EVA1C: variants seen among roughly 807,000 people sequenced by gnomAD.
The protein encoded by EVA1C is protein eva-1 homolog C.
A neutral mutation model predicts 45.4 loss-of-function variants in EVA1C; 25 were observed. That is an observed-to-expected ratio of 0.55 (90% CI 0.40 to 0.77). EVA1C has a LOEUF of 0.77. Among genes scored for constraint, EVA1C ranks in the 30% least tolerant of loss-of-function variants. EVA1C has a pLI of 0.00. For synonymous variants in EVA1C, 190 were observed against 221.2 expected, an observed-to-expected ratio of 0.86 and a Z score of 1.25; for missense variants, 479 against 554.8, an observed-to-expected ratio of 0.86 and a Z score of 1.37.
chr21:32,486,649 G>A (rs1039238341), intron 4 of EVA1C, among the ~76,000 whole-genome samples: 1 of 152,084 alleles, frequency 6.6e-6, no homozygotes. Flanking sequence ...TGGAAAAAAG[G>A]CCTTAATAGT....
intron 4 of EVA1C, among the ~76,000 whole-genome samples, chr21:32,483,800 T>A (rs570696285): frequency 6.6e-6 from 1 of 152,206 alleles, no homozygotes; most frequent in Non-Finnish European, 1.5e-5. Context: ...GCCCAGCACC[T>A]GATTCTTTTT....
At chr21:32,484,253 T>C (rs1325717359) in intron 4 of EVA1C, among the ~76,000 whole-genome samples, 1 of 152,098 alleles carries the variant, frequency 6.6e-6, no homozygotes, top group East Asian at 1.9e-4. Flanking sequence ...TTAATATTTC[T>C]TGGGGTGGAC....
rs185191878 is a variant in EVA1C at position 32,454,991 on chromosome 21, C to A, written c.357+1483C>A. Among the ~76,000 whole-genome samples, 102 of 152,290 alleles carry A rather than the reference C, an allele frequency of 6.7e-4. 1 individual carries two copies. The highest frequency in any genetic ancestry group is 1.1e-3 in the Non-Finnish European group (73 of 68,028). Reference sequence around the variant, plus strand: ...AGAGACAACATGTTTCTTCAGGAGACAAGAAGTTGCTTTCCCTGTGTGCTC... The same window carrying A: ...AGAGACAACATGTTTCTTCAGGAGAAAAGAAGTTGCTTTCCCTGTGTGCTC... On this transcript the variant is annotated intron_variant, in intron 2 of 7. Coordinates refer to ENST00000300255, the MANE Select transcript of EVA1C (RefSeq NM_058187.5).
At chr21:32,466,014 C>T (rs879544841) in intron 3 of EVA1C, among the ~76,000 whole-genome samples, 1 of 152,218 alleles carries the variant, frequency 6.6e-6, no homozygotes, top group Non-Finnish European at 1.5e-5. Context: ...CTCAGGCACC[C>T]ACTCATCTAC....
At chr21:32,430,865 C>T (rs79098240) in intron 1 of EVA1C, among the ~76,000 whole-genome samples, 24,033 of 135,670 alleles carry the variant, frequency 0.18, 2,211 homozygotes, top group Admixed American at 0.26. Context: ...CCCAGATTCT[C>T]GGGAGGCTGA....
At chr21:32,426,476 G>C (rs957790987) in intron 1 of EVA1C, among the ~76,000 whole-genome samples, 5 of 151,320 alleles carry the variant, frequency 3.3e-5, no homozygotes, top group African/African-American at 9.7e-5. Flanking sequence ...CTCCTTCCCT[G>C]TGTTCCTGCT....
chr21:32,507,510 G>C (rs1219242679), intron 7 of EVA1C, among the ~76,000 whole-genome samples: 4 of 151,458 alleles, frequency 2.6e-5, no homozygotes, highest in African/African-American at 9.8e-5. Context: ...GTCTGTATCT[G>C]TGTGCATGTG....
intron 1 of EVA1C, among the ~76,000 whole-genome samples, chr21:32,420,529 T>G (rs1299101552): frequency 6.6e-6 from 1 of 151,524 alleles, no homozygotes; most frequent in African/African-American, 2.4e-5. Flanking sequence ...GGGACTATAG[T>G]CACATGCCAG....
chr21:32,462,705 G>A (rs186441360), intron 3 of EVA1C, among the ~76,000 whole-genome samples: 130 of 152,376 alleles, frequency 8.5e-4, no homozygotes, highest in African/African-American at 3.1e-3. Context: ...CCCACCCAGA[G>A]TGGAAAACCA....
At chr21:32,486,837 G>A (rs992049635) in intron 4 of EVA1C, among the ~76,000 whole-genome samples, 1 of 152,106 alleles carries the variant, frequency 6.6e-6, no homozygotes, top group African/African-American at 2.4e-5. Context: ...GTCCCTTTCA[G>A]TGGTAAATGC....
intron 2 of EVA1C, among the ~76,000 whole-genome samples, chr21:32,454,624 G>A (rs1317775980): frequency 1.3e-5 from 2 of 151,568 alleles, no homozygotes; most frequent in East Asian, 2.0e-4. Flanking sequence ...TGCCTCCCAA[G>A]TTCCATATGA....
In EVA1C at chr21:32,494,964, T is replaced by C. The variant is rs955833890; in HGVS notation, c.635-63T>C. On this transcript the variant is annotated intron_variant, in intron 4 of 7. Transcript: ENST00000300255. ...GCATATTTATTTACAGAGAATGCTG[T>C]AGGCTATGTGGTGGCCCTGTGTGGG... The C allele has an allele frequency of 6.6e-5, 99 of 1,507,484 alleles. No homozygotes were observed. The African/African-American group carries it at 1.1e-3, about 17-fold the overall frequency. The allele number at this position is 1,507,484 out of a possible 1,614,324, so 93.4% of individuals were successfully genotyped here.
At chr21:32,457,252 C>T (rs1256803970) in intron 2 of EVA1C, among the ~76,000 whole-genome samples, 3 of 152,180 alleles carry the variant, frequency 2.0e-5, no homozygotes, top group Non-Finnish European at 4.4e-5. Context: ...CTGAAGTACC[C>T]TGCACCCCAA....
intron 1 of EVA1C, among the ~76,000 whole-genome samples, chr21:32,444,029 C>T (rs2035273915): frequency 6.6e-6 from 1 of 151,230 alleles, no homozygotes; most frequent in African/African-American, 2.4e-5. Flanking sequence ...CAGCAACTCC[C>T]ACTTCTGACA....
At chr21:32,438,062 C>T (rs2035030287) in intron 1 of EVA1C, among the ~76,000 whole-genome samples, 1 of 152,206 alleles carries the variant, frequency 6.6e-6, no homozygotes. Flanking sequence ...CAGCTTTGCT[C>T]ACCCCCACCC....
chr21:32,485,064 C>A (rs1025279180), intron 4 of EVA1C, among the ~76,000 whole-genome samples: 5 of 152,206 alleles, frequency 3.3e-5, no homozygotes, highest in African/African-American at 1.2e-4. Context: ...ACGCATGCGT[C>A]TTCCTCTGTA....
chr21:32,494,311 G>A (rs533826803), intron 4 of EVA1C, among the ~76,000 whole-genome samples: 12 of 152,326 alleles, frequency 7.9e-5, no homozygotes, highest in Middle Eastern at 3.4e-3. Flanking sequence ...GAACAAAACA[G>A]AAATAGTCTC....
chr21:32,451,258 C>T (rs911049345), intron 1 of EVA1C, among the ~76,000 whole-genome samples: 53 of 152,304 alleles, frequency 3.5e-4, no homozygotes, highest in Middle Eastern at 3.4e-3. Flanking sequence ...CCCTCCTTCA[C>T]GCCACCTCCT....
intron 3 of EVA1C, among the ~76,000 whole-genome samples, chr21:32,465,985 C>G (rs1174368866): frequency 6.6e-6 from 1 of 152,236 alleles, no homozygotes; most frequent in East Asian, 1.9e-4. Flanking sequence ...TTCTGTCACT[C>G]TGTGACCTCA....
Sources: allele counts gnomAD v4.1 joint callset (sites outside exome capture counted in the v4.1 genomes callset), GRCh38; gene constraint gnomAD v4.1.1; transcripts MANE v1.5; gene names NCBI Gene and HGNC (gene_info 2026-07-23, HGNC 2026-07-21).